ARHGEF4: variants seen among roughly 807,000 people sequenced by gnomAD.
ARHGEF4 encodes Rho guanine nucleotide exchange factor 4.
A neutral mutation model predicts 162.0 loss-of-function variants in ARHGEF4; 119 were observed. The ratio of observed to expected loss-of-function variants is 0.73; its 90% confidence interval spans 0.63 to 0.86. ARHGEF4 has a LOEUF of 0.86. Among genes scored for constraint, ARHGEF4 ranks in the 40% least tolerant of loss-of-function variants. The pLI is 0.00. For missense variants in ARHGEF4, 2,488 were observed against 2,456.0 expected (o/e 1.01, Z -0.28); for synonymous variants, 1,014 against 979.9 (o/e 1.03, Z -0.65).
At chr2:130,923,660 G>A (rs577180521) in intron 2 of ARHGEF4, among the ~76,000 whole-genome samples, 2 of 152,292 alleles carry the variant, frequency 1.3e-5, no homozygotes, top group East Asian at 3.9e-4. Flanking sequence ...GATCATTTCA[G>A]ATAAAAGGAA....
At position 130,881,101 on chromosome 2, in the gene ARHGEF4, C is replaced by T. The variant is rs574686137; in HGVS notation, c.40-32885C>T. On this transcript the variant is annotated intron_variant, in intron 1 of 13. Transcript: ENST00000409359. ...AGGCTGGGGTACAGTGGCACCATCT[C>T]GGCTCACTACAACCTCTGCCTCCCG... Among the ~76,000 whole-genome samples, 21 of 152,210 alleles carry T rather than the reference C, an allele frequency of 1.4e-4. No homozygotes were observed. In the South Asian group the frequency reaches 3.7e-3, roughly 27 times the overall value.
chr2:130,907,933 G>A (rs982231942), intron 1 of ARHGEF4, among the ~76,000 whole-genome samples: 6 of 151,404 alleles, frequency 4.0e-5, no homozygotes, highest in African/African-American at 1.2e-4. Context: ...CTCCAGCCTG[G>A]GAGACAAAGC....
intron 1 of ARHGEF4, among the ~76,000 whole-genome samples, chr2:130,860,610 C>T (rs1454190671): frequency 6.0e-5 from 7 of 117,020 alleles, no homozygotes; most frequent in Non-Finnish European, 9.7e-5. Context: ...CTCGGGAGGC[C>T]GAGGCAGAAG....
chr2:130,976,075 C>T (rs1023107559), intron 4 of ARHGEF4, among the ~76,000 whole-genome samples: 1 of 152,274 alleles, frequency 6.6e-6, no homozygotes, highest in Admixed American at 6.5e-5. Flanking sequence ...TTACTCTGCT[C>T]GGACTGCCTC....
intron 2 of ARHGEF4, among the ~76,000 whole-genome samples, chr2:130,923,462 T>C (rs1054595347): frequency 6.6e-6 from 1 of 152,178 alleles, no homozygotes; most frequent in Non-Finnish European, 1.5e-5. Flanking sequence ...AGCTGTACAG[T>C]AAGCATTACT....
chr2:130,951,514 C>T (rs751092545), intron 4 of ARHGEF4, among the ~76,000 whole-genome samples: 3 of 152,186 alleles, frequency 2.0e-5, no homozygotes, highest in Admixed American at 1.3e-4. Flanking sequence ...GAACACACAA[C>T]ATTTATTGAT....
rs377254668 is a variant in ARHGEF4, at chr2:130,930,798, CTG to C, written c.3553-151_3553-150del. On this transcript the variant is annotated intron_variant, in intron 2 of 13. Coordinates refer to ENST00000409359, the MANE Select transcript of ARHGEF4 (RefSeq NM_001367493.1). ...CTAATCTTCACATTTTCCAAAATGA[CTG>C]TGAACAAAGTATTTCACTGGACTCT... 2.8e-4 allele frequency among the ~76,000 whole-genome samples: 43 copies of C among 152,336 alleles called. 1 individual carries two copies. In the South Asian group the frequency reaches 8.9e-3, roughly 32 times the overall value.
intron 4 of ARHGEF4, among the ~76,000 whole-genome samples, chr2:130,949,480 A>G (rs899821357): frequency 8.6e-5 from 13 of 150,826 alleles, no homozygotes; most frequent in African/African-American, 2.4e-4. Context: ...CAGCCTCCCA[A>G]GTAGCTGGGA....
At position 130,925,498 on chromosome 2, in the gene ARHGEF4, T is replaced by C. The variant is rs77052047; in HGVS notation, c.3553-5454T>C. On this transcript the variant is annotated intron_variant, in intron 2 of 13. Coordinates refer to ENST00000409359, the MANE Select transcript of ARHGEF4 (RefSeq NM_001367493.1). ...TGCAAGAACTTCCTTTAGCCATTATTTAAGGGTAGATCTGCAGGCAATAAA... is the reference window on the plus strand; with the variant it reads ...TGCAAGAACTTCCTTTAGCCATTATCTAAGGGTAGATCTGCAGGCAATAAA... Among the ~76,000 whole-genome samples, 701 of 152,358 alleles carry C rather than the reference T, an allele frequency of 4.6e-3. 2 individuals are homozygous for C. The highest frequency in any genetic ancestry group is 0.015 in the African/African-American group (629 of 41,576).
At position 131,013,710 on chromosome 2, in the gene ARHGEF4, C is replaced by T. The variant is rs1427622345; in HGVS notation, c.3986-14235C>T. ...CCACCTCCTAGATTAAAGCAATTCT[C>T]CCACCTCAGCCTTCCAAGCAGCTGG... On this transcript the variant is annotated intron_variant, in intron 4 of 13. Coordinates refer to ENST00000409359, the MANE Select transcript of ARHGEF4 (RefSeq NM_001367493.1). 2.6e-5 allele frequency among the ~76,000 whole-genome samples: 4 copies of T among 152,320 alleles called. No homozygotes were observed. The South Asian group carries it at 8.3e-4, about 32-fold the overall frequency.
Position 130,916,557 on chromosome 2 carries a change from C to T in ARHGEF4, c.2611C>T (p.Pro871Ser). The change falls in exon 2 of 14, where the codon CCG becomes TCG. Residue 871 changes from proline to serine, a missense_variant. Coordinates refer to ENST00000409359, the MANE Select transcript of ARHGEF4 (RefSeq NM_001367493.1). ...GGCTGCAGGCGACAGGACTGCAGGG[C>T]CGGCAGGAGCGGGGCACACGGGGAC... is the stretch of plus-strand genomic sequence containing the variant. Reference protein sequence around the residue: ...PQAAGDRTAGPAGAGHTGTSG... With the variant: ...PQAAGDRTAGSAGAGHTGTSG... The T allele has an allele frequency of 2.6e-6, 4 of 1,550,078 alleles. No homozygotes were observed. Among genetic ancestry groups the T allele is most frequent in the Non-Finnish European group, 3.5e-6 (4 of 1,146,818 alleles).
intron 1 of ARHGEF4, among the ~76,000 whole-genome samples, chr2:130,855,622 T>TG (rs1681722200): frequency 6.6e-6 from 1 of 152,144 alleles, no homozygotes; most frequent in Non-Finnish European, 1.5e-5. Flanking sequence ...CATGCATACT[T>TG]GCATGACTGA....
At chr2:130,973,883 A>G (rs1276080513) in intron 4 of ARHGEF4, among the ~76,000 whole-genome samples, 4 of 152,238 alleles carry the variant, frequency 2.6e-5, no homozygotes, top group Non-Finnish European at 5.9e-5. Flanking sequence ...TTTTAGGTAC[A>G]AAAGTTATCA....
intron 1 of ARHGEF4, among the ~76,000 whole-genome samples, chr2:130,897,440 C>A (rs1680226960): frequency 6.6e-6 from 1 of 151,990 alleles, no homozygotes. Context: ...AGTCTGCCAG[C>A]GGTGAGCACT....
intron 2 of ARHGEF4, among the ~76,000 whole-genome samples, chr2:130,918,022 A>G (rs1287066559): frequency 6.6e-6 from 1 of 150,874 alleles, no homozygotes; most frequent in African/African-American, 2.4e-5. Flanking sequence ...GGGTTTCACC[A>G]TGTTGGCCAG....
At chr2:130,998,367 G>A (rs558298303) in intron 4 of ARHGEF4, among the ~76,000 whole-genome samples, 1 of 152,230 alleles carries the variant, frequency 6.6e-6, no homozygotes, top group South Asian at 2.1e-4. Context: ...TTCACTTTGT[G>A]TGTTTATATC....
At chr2:131,034,964 C>T in intron 5 of ARHGEF4, 1 of 983,524 alleles carries the variant, frequency 1.0e-6, no homozygotes, top group Non-Finnish European at 1.2e-6. Context: ...GCGCACGGCG[C>T]CGGCTTCGCG....
intron 4 of ARHGEF4, among the ~76,000 whole-genome samples, chr2:130,978,764 A>AT (rs1345317889): frequency 6.6e-6 from 1 of 152,096 alleles, no homozygotes; most frequent in Non-Finnish European, 1.5e-5. Flanking sequence ...AAAAAAAAAA[A>AT]TTCTCCAGAC....
chr2:130,911,807 A>G (rs1003267988), intron 1 of ARHGEF4, among the ~76,000 whole-genome samples: 1 of 152,224 alleles, frequency 6.6e-6, no homozygotes, highest in Non-Finnish European at 1.5e-5. Flanking sequence ...CCTCACAGGT[A>G]GTGCCCTGGG....
Sources: gnomAD v4.1 joint callset for allele counts (sites outside exome capture counted in the v4.1 genomes callset) on GRCh38, gnomAD v4.1.1 for gene constraint, MANE v1.5 for transcripts, NCBI Gene and HGNC (gene_info 2026-07-23, HGNC 2026-07-21) for gene names.